Variants in TTC13 observed in about 807,000 individuals in gnomAD.
The protein encoded by TTC13 is tetratricopeptide repeat domain 13, also known as tetratricopeptide repeat protein 13.
A neutral mutation model predicts 120.0 loss-of-function variants in TTC13; 62 were observed. That is an observed-to-expected ratio of 0.52 (90% CI 0.42 to 0.64). TTC13 has a LOEUF of 0.64. Among genes scored for constraint, TTC13 ranks in the 30% least tolerant of loss-of-function variants. TTC13 has a pLI of 0.00. For synonymous variants in TTC13, 384 were observed against 393.5 expected (o/e 0.98, Z 0.28); for missense variants, 824 against 1,050.2 (o/e 0.78, Z 2.98).
intron 17 of TTC13, chr1:230,920,286 T>C (rs1419926115): frequency 9.0e-6 from 3 of 333,370 alleles, no homozygotes. Context: ...TTCAATTATA[T>C]GTATTTTTAA....
chr1:230,942,943 T>C lies in TTC13; in HGVS notation c.672+863A>G, dbSNP rs1378289797. Among the ~76,000 whole-genome samples, 1 of 152,228 alleles carries C rather than the reference T, an allele frequency of 6.6e-6. No homozygotes were observed. Among genetic ancestry groups the C allele is most frequent in the African/African-American group, 2.4e-5 (1 of 41,460 alleles). On this transcript the variant is annotated intron_variant, in intron 6 of 22. Coordinates refer to ENST00000366661, the MANE Select transcript of TTC13 (RefSeq NM_024525.5). This position sits in a 1 kb window ranked among gnomAD's most constrained non-coding sequence, Gnocchi z 4.0. ...CATGGCATCTTCACCACATATTATC[T>C]GTCTCTATGTCAAGTTCCTTTAAGA...
At chr1:230,917,133 G>A (rs889020849) in intron 17 of TTC13, among the ~76,000 whole-genome samples, 5 of 152,058 alleles carry the variant, frequency 3.3e-5, no homozygotes, top group Non-Finnish European at 5.9e-5. Flanking sequence ...AGGATGAGTG[G>A]CACAGGTCAT....
chr1:230,918,336 A>G (rs959329781), intron 17 of TTC13, among the ~76,000 whole-genome samples: 1 of 152,178 alleles, frequency 6.6e-6, no homozygotes, highest in Non-Finnish European at 1.5e-5. Flanking sequence ...ACACACAGAT[A>G]TGGGGCTACA....
At chr1:230,968,746 C>T (rs745609185) in intron 1 of TTC13, among the ~76,000 whole-genome samples, 1 of 152,030 alleles carries the variant, frequency 6.6e-6, no homozygotes, top group Non-Finnish European at 1.5e-5. Flanking sequence ...CCAGTTTGTG[C>T]AATGAGGGAA....
At chr1:230,907,464 C>T (rs1183803400) in intron 22 of TTC13, among the ~76,000 whole-genome samples, 1 of 152,218 alleles carries the variant, frequency 6.6e-6, no homozygotes, top group African/African-American at 2.4e-5. Flanking sequence ...CGCTGTAAAG[C>T]GTTAACTGCA....
rs1162366034 is a variant in TTC13, at chr1:230,939,428, C to G, written c.858G>C (p.Met286Ile). The part of the protein sequence containing the change: ...LELNKNQPIA[M>I]LYKGLTFFHR... Reference sequence around the variant, plus strand: ...GAAAGAAAGTTAAACCTTTGTATAGCATAGCTATAGGCTGGTTTTTGTTCA... The same window carrying G: ...GAAAGAAAGTTAAACCTTTGTATAGGATAGCTATAGGCTGGTTTTTGTTCA... The change falls in exon 8 of 23, where the codon ATG becomes ATC. Residue 286 changes from methionine to isoleucine, a missense_variant. Physicochemically the swap from Met to Ile is conservative, Grantham distance 10. Around this residue, in one of 4 missense-constraint regions of TTC13, gnomAD observed 430 missense variants for 626.8 expected, o/e 0.69. Transcript: ENST00000366661. 2 of 1,612,756 alleles carry G rather than the reference C, an allele frequency of 1.2e-6. No individual in the cohort carries two copies. Among genetic ancestry groups the G allele is most frequent in the Non-Finnish European group, 1.7e-6 (2 of 1,179,068 alleles).
Position 230,940,312 on chromosome 1 carries a change from A to G in TTC13, c.789+128T>C. On this transcript the variant is annotated intron_variant, in intron 7 of 22. Transcript: ENST00000366661. This position sits in a 1 kb window ranked among gnomAD's most constrained non-coding sequence, Gnocchi z 4.1. Reference sequence around the variant, plus strand: ...TTTCAGCTACAGAAAATGCTTTTATAACTCTTATGACACAGACATATTACT... The same window carrying G: ...TTTCAGCTACAGAAAATGCTTTTATGACTCTTATGACACAGACATATTACT... 1.9e-6 allele frequency: 1 copy of G among 526,324 alleles called. No individual in the cohort carries two copies. Among genetic ancestry groups the G allele is most frequent in the Non-Finnish European group, 3.3e-6 (1 of 301,404 alleles). 32.6% of individuals were successfully genotyped at this position (526,324 alleles called of 1,614,324 possible).
chr1:230,967,916 T>C (rs973921710), intron 1 of TTC13, among the ~76,000 whole-genome samples: 1 of 152,240 alleles, frequency 6.6e-6, no homozygotes, highest in African/African-American at 2.4e-5. Flanking sequence ...CTGATTACTA[T>C]AGAAACTGTG....
chr1:230,958,811 G>GT (rs1676351744), intron 2 of TTC13, among the ~76,000 whole-genome samples: 6 of 152,228 alleles, frequency 3.9e-5, no homozygotes, highest in Admixed American at 3.9e-4. Flanking sequence ...AGGCAACACA[G>GT]TGAGACTTCA....
chr1:230,914,644 T>C (rs1275357885), intron 18 of TTC13, among the ~76,000 whole-genome samples: 1 of 152,156 alleles, frequency 6.6e-6, no homozygotes, highest in East Asian at 1.9e-4. Flanking sequence ...CCGCCCGCCT[T>C]GGGCTCCCAA....
chr1:230,975,707 A>C lies in TTC13; in HGVS notation c.271+2853T>G, dbSNP rs144021660. ...AATATCAAAAAGGTAAAATGTAAAA[A>C]TGTGGAGTAGAAAATATTAAGGGCG... On this transcript the variant is annotated intron_variant, in intron 1 of 22. Coordinates refer to ENST00000366661, the MANE Select transcript of TTC13 (RefSeq NM_024525.5). Among the ~76,000 whole-genome samples, 964 of 152,286 alleles carry C rather than the reference A, an allele frequency of 6.3e-3. 11 individuals carry two copies. The highest frequency in any genetic ancestry group is 0.021 in the African/African-American group (865 of 41,538).
intron 8 of TTC13, among the ~76,000 whole-genome samples, chr1:230,934,955 C>A (rs1417416520): frequency 6.6e-6 from 1 of 152,184 alleles, no homozygotes; most frequent in African/African-American, 2.4e-5. Context: ...AAAAGGCATT[C>A]ATTCCCTGCA....
At chr1:230,960,975 T>C (rs1204846674) in intron 2 of TTC13, among the ~76,000 whole-genome samples, 3 of 152,366 alleles carry the variant, frequency 2.0e-5, no homozygotes, top group Non-Finnish European at 4.4e-5. Flanking sequence ...TTAACTATAA[T>C]GTCCCTTTAT....
chr1:230,926,851 T>C (rs1386319935), intron 12 of TTC13, among the ~76,000 whole-genome samples: 1 of 152,252 alleles, frequency 6.6e-6, no homozygotes, highest in Non-Finnish European at 1.5e-5. Flanking sequence ...TCTACTTGTA[T>C]GCTGCTTTCC....
chr1:230,912,583 C>T, intron 19 of TTC13, 40 bp downstream of exon 19: 1 of 1,600,432 alleles, frequency 6.2e-7, no homozygotes, highest in Non-Finnish European at 8.5e-7. Context: ...ACAAAAGAAT[C>T]ATAGGAAGAG....
chr1:230,954,914 A>G (rs1337057207), intron 3 of TTC13, among the ~76,000 whole-genome samples: 2 of 152,224 alleles, frequency 1.3e-5, no homozygotes, highest in African/African-American at 4.8e-5. Context: ...AACTGTGGAT[A>G]ATACAAACCA....
At chr1:230,933,489 C>G (rs1038639852) in intron 9 of TTC13, among the ~76,000 whole-genome samples, 1 of 152,122 alleles carries the variant, frequency 6.6e-6, no homozygotes, top group Non-Finnish European at 1.5e-5. Context: ...GTCTACACCC[C>G]AATAGCTTAC....
chr1:230,960,583 A>C (rs1322619161), intron 2 of TTC13, among the ~76,000 whole-genome samples: 1 of 152,204 alleles, frequency 6.6e-6, no homozygotes, highest in Non-Finnish European at 1.5e-5. Context: ...TTGAAAAAAA[A>C]AAAAAAGAGT....
chr1:230,950,625 C>T (rs6675238), intron 4 of TTC13, among the ~76,000 whole-genome samples: 82,454 of 152,030 alleles, frequency 0.54, 22,420 homozygotes, highest in Admixed American at 0.61. Flanking sequence ...ACCTAAGTGA[C>T]GAACACACAT....
Sources: gnomAD v4.1 joint callset for allele counts (sites outside exome capture counted in the v4.1 genomes callset) on GRCh38, gnomAD v4.1.1 for gene constraint, gnomAD v4.1.1 regional missense constraint, Gnocchi (gnomAD v3.1) non-coding constraint, MANE v1.5 for transcripts, NCBI Gene and HGNC (gene_info 2026-07-23, HGNC 2026-07-21) for gene names.